The following NTM variants were observed in gnomAD, a reference collection of about 807,000 sequenced individuals.
NTM encodes neurotrimin.
NTM carries 13 observed loss-of-function variants against 42.1 expected under a neutral mutation model. The observed-to-expected ratio is 0.31, with a 90% CI of 0.20 to 0.49. The LOEUF is 0.49. Ranked by LOEUF, NTM falls within the 20% of genes least tolerant of loss-of-function variation. NTM has a pLI of 0.99. For missense variants in NTM, 373 were observed against 452.8 expected (o/e 0.82, Z 1.60); for synonymous variants, 187 against 179.2 (o/e 1.04, Z -0.35).
chr11:131,445,073 T>A (rs1456513789), intron 1 of NTM, among the ~76,000 whole-genome samples: 1 of 152,250 alleles, frequency 6.6e-6, no homozygotes, highest in Admixed American at 6.5e-5. Context: ...TTCACATCAA[T>A]TATTAATCTA....
At chr11:131,950,539 C>T (rs572325490) in intron 2 of NTM, among the ~76,000 whole-genome samples, 6 of 152,108 alleles carry the variant, frequency 3.9e-5, no homozygotes, top group Non-Finnish European at 7.4e-5. Context: ...TTCCTTTGCA[C>T]GTTTAGGTCC....
intron 2 of NTM, among the ~76,000 whole-genome samples, chr11:132,004,866 G>T (rs2070401221): frequency 6.6e-6 from 1 of 152,140 alleles, no homozygotes; most frequent in Admixed American, 6.6e-5. Context: ...AGTCCTTTGA[G>T]CAGCATGGAG....
chr11:132,147,990 G>C (rs754808218), intron 3 of NTM, among the ~76,000 whole-genome samples: 13 of 152,166 alleles, frequency 8.5e-5, no homozygotes, highest in Non-Finnish European at 1.6e-4. Context: ...GAGGACACAT[G>C]AGAACAAGGT....
At chr11:131,528,480 T>G (rs2136644542) in intron 1 of NTM, among the ~76,000 whole-genome samples, 1 of 152,342 alleles carries the variant, frequency 6.6e-6, no homozygotes, top group East Asian at 1.9e-4. Flanking sequence ...TAAGAAACTT[T>G]CACAGGTTCA....
chr11:132,153,673 T>A (rs1053898733), intron 3 of NTM, among the ~76,000 whole-genome samples: 7 of 152,152 alleles, frequency 4.6e-5, no homozygotes, highest in Non-Finnish European at 8.8e-5. Flanking sequence ...AGGGAGTAGT[T>A]GATGAGAAAG....
intron 1 of NTM, among the ~76,000 whole-genome samples, chr11:131,822,444 A>G (rs1244668091): frequency 6.6e-6 from 1 of 152,240 alleles, no homozygotes; most frequent in Admixed American, 6.5e-5. Context: ...TAAATGAATT[A>G]TGGTTTTTTT....
chr11:131,627,650 C>T (rs1044289413), intron 1 of NTM, among the ~76,000 whole-genome samples: 4 of 151,938 alleles, frequency 2.6e-5, no homozygotes, highest in African/African-American at 9.7e-5. Context: ...AGGCAACATA[C>T]TTACACCCCA....
At chr11:132,313,995 A>ATGATTTTTCTCCTCT (rs2095354834) in intron 6 of NTM, among the ~76,000 whole-genome samples, 1 of 152,200 alleles carries the variant, frequency 6.6e-6, no homozygotes, top group African/African-American at 2.4e-5. Context: ...TGAGAAAATG[A>ATGATTTTTCTCCTCT]TGATTTTTCT....
At chr11:131,830,308 C>T (rs183940757) in intron 1 of NTM, among the ~76,000 whole-genome samples, 4 of 152,170 alleles carry the variant, frequency 2.6e-5, no homozygotes, top group Admixed American at 2.0e-4. Flanking sequence ...TGATGTCTTA[C>T]ATTTAATCTT....
At chr11:132,095,565 AAAG>A (rs1251314073) in intron 2 of NTM, among the ~76,000 whole-genome samples, 1 of 152,174 alleles carries the variant, frequency 6.6e-6, no homozygotes, top group Non-Finnish European at 1.5e-5. Flanking sequence ...GACCAGAACT[AAAG>A]AAGACATTGG....
intron 1 of NTM, among the ~76,000 whole-genome samples, chr11:131,598,854 T>TTCC (rs2060173057): frequency 1.1e-4 from 6 of 54,120 alleles, no homozygotes; most frequent in Non-Finnish European, 2.9e-4. Context: ...TCTTTCTTCC[T>TTCC]TCCTTCCTTC....
At chr11:132,148,934 T>C (rs1203935832) in intron 3 of NTM, among the ~76,000 whole-genome samples, 2 of 152,178 alleles carry the variant, frequency 1.3e-5, no homozygotes, top group South Asian at 2.1e-4. Context: ...CCCTCTCGCA[T>C]GACACACCAC....
chr11:132,052,166 T>C (rs996458204), intron 2 of NTM, among the ~76,000 whole-genome samples: 9 of 152,190 alleles, frequency 5.9e-5, no homozygotes, highest in African/African-American at 2.2e-4. Flanking sequence ...TCAACAGATA[T>C]TTATCCCAAG....
chr11:132,123,717 C>T (rs1050050358), intron 2 of NTM, among the ~76,000 whole-genome samples: 13 of 152,154 alleles, frequency 8.5e-5, no homozygotes, highest in African/African-American at 2.9e-4. Flanking sequence ...CAGAATGGAC[C>T]GTGTGCTAAA....
chr11:132,289,821 C>G (rs949943676), intron 4 of NTM, among the ~76,000 whole-genome samples: 1 of 152,136 alleles, frequency 6.6e-6, no homozygotes, highest in African/African-American at 2.4e-5. Flanking sequence ...AGGGCAGGGT[C>G]GAGGGAAGGA....
At chr11:131,638,107 G>T (rs1467235380) in intron 1 of NTM, among the ~76,000 whole-genome samples, 1 of 152,110 alleles carries the variant, frequency 6.6e-6, no homozygotes, top group Non-Finnish European at 1.5e-5. Context: ...CAGTTCTTCT[G>T]CAGCATAACC....
intron 2 of NTM, among the ~76,000 whole-genome samples, chr11:131,943,408 G>A (rs1419244904): frequency 6.6e-6 from 1 of 152,218 alleles, no homozygotes; most frequent in Non-Finnish European, 1.5e-5. Context: ...AGTTGGGAGG[G>A]CCCAGTAACC....
intron 2 of NTM, among the ~76,000 whole-genome samples, chr11:132,132,372 C>G (rs934598004): frequency 6.6e-6 from 1 of 152,216 alleles, no homozygotes; most frequent in African/African-American, 2.4e-5. Context: ...AGGTTCTCTG[C>G]TTTATTTCAT....
chr11:132,312,161 C>G (rs2095300060), intron 6 of NTM, among the ~76,000 whole-genome samples: 1 of 152,182 alleles, frequency 6.6e-6, no homozygotes. Context: ...CTGGTCACAG[C>G]AAGTTGGGTC....
Sources: gnomAD v4.1 joint callset for allele counts (sites outside exome capture counted in the v4.1 genomes callset) on GRCh38, gnomAD v4.1.1 for gene constraint, MANE v1.5 for transcripts, NCBI Gene and HGNC (gene_info 2026-07-23, HGNC 2026-07-21) for gene names.